The following SNTG1 variants were observed in gnomAD, a reference collection of about 807,000 sequenced individuals.
The protein encoded by SNTG1 is syntrophin gamma 1.
In SNTG1, 39 loss-of-function variants were observed where a neutral mutation model predicts 74.7. The observed-to-expected ratio is 0.52, with a 90% CI of 0.40 to 0.68. SNTG1 has a LOEUF of 0.68. Ranked by LOEUF, SNTG1 falls within the 30% of genes least tolerant of loss-of-function variation. The pLI is 0.00. For synonymous variants in SNTG1, 254 were observed against 217.1 expected (o/e 1.17, Z -1.49); for missense variants, 685 against 609.5 (o/e 1.12, Z -1.30).
At chr8:50,770,118 C>T (rs2095623552) in intron 18 of SNTG1, among the ~76,000 whole-genome samples, 1 of 152,090 alleles carries the variant, frequency 6.6e-6, no homozygotes, top group Non-Finnish European at 1.5e-5. Context: ...CGCTGGAATG[C>T]AAATTAATTG....
chr8:50,043,066 C>T (rs1489494006), intron 1 of SNTG1, among the ~76,000 whole-genome samples: 4 of 152,138 alleles, frequency 2.6e-5, no homozygotes, highest in African/African-American at 7.2e-5. Flanking sequence ...TTCCTTTCTT[C>T]CCTTCCCTCT....
At chr8:50,761,601 C>CTGT (rs550902662) in intron 18 of SNTG1, among the ~76,000 whole-genome samples, 16 of 122,076 alleles carry the variant, frequency 1.3e-4, no homozygotes, top group African/African-American at 5.9e-4. Context: ...AGTGCCTGAG[C>CTGT]TATTTTTTTT....
chr8:50,211,300 A>C (rs1314652082), intron 2 of SNTG1, among the ~76,000 whole-genome samples: 1 of 152,098 alleles, frequency 6.6e-6, no homozygotes, highest in Non-Finnish European at 1.5e-5. Context: ...TCTTAAATGC[A>C]CCCTTAGAAA....
intron 13 of SNTG1, among the ~76,000 whole-genome samples, chr8:50,600,002 T>A (rs1336210909): frequency 6.6e-6 from 1 of 152,184 alleles, no homozygotes; most frequent in African/African-American, 2.4e-5. Flanking sequence ...CGGTATTTTT[T>A]AATCATGAAG....
Position 50,402,232 on chromosome 8 carries a change from T to A in SNTG1, c.50T>A (p.Leu17Gln). Residue 17 changes from leucine to glutamine, a missense_variant, in exon 4 of 19, where the codon CTG becomes CAG. Leu to Gln is a moderately radical substitution (Grantham distance 113). Transcript: ENST00000642720. ...CEETKTGICL[L>Q]QDGNQEPFKV... The stretch of plus-strand genomic sequence containing the variant: ...AAGACAAAGACAGGAATTTGTTTGC[T>A]GCAGGATGGTAACCAGGAGCCTTTC... The A allele has an allele frequency of 6.2e-7, 1 of 1,603,066 alleles. No homozygotes were observed. Among genetic ancestry groups the A allele is most frequent in the Non-Finnish European group, 8.5e-7 (1 of 1,177,238 alleles).
chr8:50,283,263 C>T (rs1176365644), intron 2 of SNTG1, among the ~76,000 whole-genome samples: 1 of 152,152 alleles, frequency 6.6e-6, no homozygotes, highest in African/African-American at 2.4e-5. Flanking sequence ...CATGAGAGTT[C>T]AGGAAATTCT....
intron 4 of SNTG1, 45 bp downstream of exon 4, chr8:50,402,389 TG>T: frequency 3.9e-6 from 6 of 1,557,578 alleles, no homozygotes; most frequent in Non-Finnish European, 5.2e-6. Flanking sequence ...GTTTGTTTTT[TG>T]TTAATAAAAA....
chr8:50,726,645 C>T (rs893553600), intron 17 of SNTG1, among the ~76,000 whole-genome samples: 8 of 152,210 alleles, frequency 5.3e-5, no homozygotes, highest in African/African-American at 1.7e-4. Flanking sequence ...GTCAGGAGAT[C>T]GAGACCAGCC....
chr8:50,103,889 C>T (rs1306381359), intron 1 of SNTG1, among the ~76,000 whole-genome samples: 1 of 152,108 alleles, frequency 6.6e-6, no homozygotes, highest in Non-Finnish European at 1.5e-5. Context: ...ATTGAACCAG[C>T]CTTGCATCCC....
chr8:50,116,100 A>T (rs1193050005), intron 1 of SNTG1, among the ~76,000 whole-genome samples: 1 of 152,176 alleles, frequency 6.6e-6, no homozygotes, highest in African/African-American at 2.4e-5. Context: ...TTAATTCTTT[A>T]TAAAATGTGC....
chr8:50,170,820 T>A (rs6991753), intron 1 of SNTG1, among the ~76,000 whole-genome samples: 65,883 of 151,976 alleles, frequency 0.43, 18,020 homozygotes, highest in African/African-American at 0.79. Context: ...TTCTTGCCGC[T>A]TGCTGGCCAA....
intron 8 of SNTG1, among the ~76,000 whole-genome samples, chr8:50,455,640 A>T (rs2093498045): frequency 6.6e-6 from 1 of 152,200 alleles, no homozygotes; most frequent in South Asian, 2.1e-4. Context: ...CTGGAGTAGG[A>T]ACATATTCTT....
intron 1 of SNTG1, among the ~76,000 whole-genome samples, chr8:49,921,954 G>A (rs534550982): frequency 2.0e-5 from 3 of 152,114 alleles, no homozygotes; most frequent in East Asian, 1.9e-4. Context: ...TTCAGATAAC[G>A]GTGTCTCTTT....
intron 2 of SNTG1, among the ~76,000 whole-genome samples, chr8:50,325,534 G>A (rs907885571): frequency 6.6e-6 from 1 of 151,940 alleles, no homozygotes; most frequent in Admixed American, 6.6e-5. Flanking sequence ...ATGGTATATA[G>A]AAAAGTGATT....
chr8:50,111,974 C>A (rs2080611112), intron 1 of SNTG1, among the ~76,000 whole-genome samples: 1 of 151,956 alleles, frequency 6.6e-6, no homozygotes, highest in Admixed American at 6.6e-5. Context: ...AACTTTATGG[C>A]ATAAATCTGA....
At chr8:50,285,121 T>G (rs2088695275) in intron 2 of SNTG1, among the ~76,000 whole-genome samples, 1 of 152,086 alleles carries the variant, frequency 6.6e-6, no homozygotes, top group Non-Finnish European at 1.5e-5. Flanking sequence ...CAGGCACCCT[T>G]GGTCTATGCA....
intron 1 of SNTG1, among the ~76,000 whole-genome samples, chr8:50,117,825 C>T (rs2080873508): frequency 6.6e-6 from 1 of 152,020 alleles, no homozygotes; most frequent in Non-Finnish European, 1.5e-5. Flanking sequence ...TTTATATTTT[C>T]TTCTTTAATA....
intron 2 of SNTG1, among the ~76,000 whole-genome samples, chr8:50,366,735 G>A (rs2092122079): frequency 6.9e-6 from 1 of 143,956 alleles, no homozygotes; most frequent in Non-Finnish European, 1.5e-5. Flanking sequence ...ATATATATGT[G>A]AATACATATA....
chr8:50,458,838 G>A (rs557206127), intron 8 of SNTG1, among the ~76,000 whole-genome samples: 8 of 152,076 alleles, frequency 5.3e-5, no homozygotes, highest in African/African-American at 7.2e-5. Context: ...TATACAATTC[G>A]CAAATATTTT....
Sources: allele counts gnomAD v4.1 joint callset (sites outside exome capture counted in the v4.1 genomes callset), GRCh38; gene constraint gnomAD v4.1.1; transcripts MANE v1.5; gene names NCBI Gene and HGNC (gene_info 2026-07-23, HGNC 2026-07-21).